Variants in PIBF1 observed in about 807,000 individuals in gnomAD.
PIBF1 encodes the protein progesterone immunomodulatory binding factor 1, also known as progesterone-induced-blocking factor 1.
Under a neutral mutation model 112.5 loss-of-function variants are expected in PIBF1, and 90 were observed. That is an observed-to-expected ratio of 0.80 (90% CI 0.67 to 0.95). The LOEUF is 0.95. Among genes scored for constraint, PIBF1 ranks in the 40% least tolerant of loss-of-function variants. The probability of loss-of-function intolerance (pLI) is 0.00; values close to 1 mark genes in which losing one functional copy is unlikely to be tolerated. For synonymous variants in PIBF1, 301 were observed against 288.6 expected, an observed-to-expected ratio of 1.04 and a Z score of -0.44; for missense variants, 915 against 852.3, an observed-to-expected ratio of 1.07 and a Z score of -0.92.
intron 15 of PIBF1, among the ~76,000 whole-genome samples, chr13:72,973,055 A>G (rs957691707): frequency 1.3e-5 from 2 of 152,234 alleles, no homozygotes; most frequent in African/African-American, 2.4e-5. Context: ...TTTTATGCCT[A>G]TACTAGGCAG....
In PIBF1 at chr13:72,798,005, C is replaced by T. The variant is rs766298119; in HGVS notation, c.651C>T (p.Asn217=). The change falls in exon 5 of 18, where the codon AAC becomes AAT. Residue 217 remains asparagine, a synonymous_variant. Transcript: ENST00000326291. ...CAGAAGAATTAAGTACAAACAAAAA[C>T]CAACTGAAGCAGCTGACAGAGGTTT... is the stretch of plus-strand genomic sequence containing the variant. ...ILAEELSTNK[N]QLKQLTETYE... The T allele has an allele frequency of 3.2e-5, 52 of 1,602,302 alleles. No homozygotes were observed. The highest frequency in any genetic ancestry group is 3.3e-4 in the Middle Eastern group (2 of 6,032).
intron 5 of PIBF1, among the ~76,000 whole-genome samples, chr13:72,818,168 CAG>C (rs890756411): frequency 5.9e-5 from 9 of 152,206 alleles, no homozygotes; most frequent in African/African-American, 2.2e-4. Flanking sequence ...CTGCATATTT[CAG>C]AGTCAGATGA....
At chr13:72,901,859 C>T (rs1425366998) in intron 11 of PIBF1, among the ~76,000 whole-genome samples, 2 of 152,080 alleles carry the variant, frequency 1.3e-5, no homozygotes, top group African/African-American at 4.8e-5. Flanking sequence ...CATTACTGGG[C>T]ATCTACCCAA....
intron 13 of PIBF1, among the ~76,000 whole-genome samples, chr13:72,921,996 A>G: frequency 6.6e-6 from 1 of 152,130 alleles, no homozygotes; most frequent in East Asian, 1.9e-4. Flanking sequence ...GTATCAGTCC[A>G]TTTTTAAGAG....
intron 12 of PIBF1, among the ~76,000 whole-genome samples, chr13:72,913,518 C>A (rs1218665793): frequency 6.6e-6 from 1 of 152,104 alleles, no homozygotes; most frequent in African/African-American, 2.4e-5. Context: ...TGGCTCATGC[C>A]TTTAACCCCA....
Position 72,917,086 on chromosome 13 carries a change from A to G in PIBF1, c.1650A>G (p.Glu550=). The G allele has an allele frequency of 6.3e-7, 1 of 1,581,618 alleles. No individual in the cohort carries two copies. The highest frequency in any genetic ancestry group is 8.6e-7 in the Non-Finnish European group (1 of 1,163,230). The change falls in exon 13 of 18, where the codon GAA becomes GAG. Residue 550 remains glutamate (E), a synonymous_variant. Coordinates refer to ENST00000326291, the MANE Select transcript of PIBF1 (RefSeq NM_006346.4). ...TTTAATATTTTCCAGTTGAAAATGA[A>G]GATGAGGCTGAAAGGGTTCTTTTTT... The part of the protein sequence containing the change: ...IIMQTAEIEN[E]DEAERVLFSY...
At chr13:72,991,270 T>A (rs1174331148) in intron 16 of PIBF1, among the ~76,000 whole-genome samples, 1 of 146,410 alleles carries the variant, frequency 6.8e-6, no homozygotes, top group East Asian at 1.9e-4. Flanking sequence ...ATAGAGATTG[T>A]TTATGCAGTC....
intron 9 of PIBF1, among the ~76,000 whole-genome samples, chr13:72,851,737 C>A (rs1226805121): frequency 1.3e-5 from 2 of 152,228 alleles, no homozygotes; most frequent in African/African-American, 4.8e-5. Flanking sequence ...CTGGCCCACC[C>A]ATTGCCACCT....
chr13:72,961,576 G>A (rs770245656), intron 14 of PIBF1, among the ~76,000 whole-genome samples: 2 of 152,046 alleles, frequency 1.3e-5, no homozygotes, highest in African/African-American at 2.4e-5. Flanking sequence ...AAGGCTAGAC[G>A]TTTATCGCCA....
chr13:72,964,848 G>T (rs1332888681), intron 14 of PIBF1, among the ~76,000 whole-genome samples: 3 of 152,146 alleles, frequency 2.0e-5, no homozygotes, highest in African/African-American at 7.2e-5. Context: ...GATCACCTGA[G>T]GTCAGGAGTT....
intron 17 of PIBF1, among the ~76,000 whole-genome samples, chr13:73,010,618 A>G (rs2044167219): frequency 6.6e-6 from 1 of 151,772 alleles, no homozygotes; most frequent in Admixed American, 6.6e-5. Flanking sequence ...AAATAAATAA[A>G]TAAAGAACAA....
intron 10 of PIBF1, among the ~76,000 whole-genome samples, chr13:72,880,117 A>G (rs182887642): frequency 2.6e-5 from 4 of 152,316 alleles, no homozygotes; most frequent in South Asian, 2.1e-4. Context: ...CCATTTATCA[A>G]TGCTTTCGAG....
chr13:72,819,285 A>T (rs750604706), intron 5 of PIBF1, among the ~76,000 whole-genome samples: 9 of 152,128 alleles, frequency 5.9e-5, no homozygotes, highest in Non-Finnish European at 1.0e-4. Flanking sequence ...CTTGATGAAC[A>T]TGGCCTCTGA....
At chr13:72,953,293 A>T (rs964820628) in intron 14 of PIBF1, among the ~76,000 whole-genome samples, 1 of 152,152 alleles carries the variant, frequency 6.6e-6, no homozygotes, top group East Asian at 1.9e-4. Context: ...ACTTCCCACA[A>T]GTGGAAAGTT....
intron 14 of PIBF1, among the ~76,000 whole-genome samples, chr13:72,953,488 A>G (rs905009193): frequency 5.3e-5 from 8 of 152,126 alleles, no homozygotes; most frequent in Admixed American, 3.3e-4. Flanking sequence ...GGATCCAGTG[A>G]TGTGACCTGT....
intron 2 of PIBF1, among the ~76,000 whole-genome samples, chr13:72,790,510 CATAGATAG>C (rs3078582): frequency 0.19 from 26,992 of 139,798 alleles, 2,655 homozygotes; most frequent in East Asian, 0.22. Flanking sequence ...CACACACACA[CATAGATAG>C]ATAGATAGAT....
intron 14 of PIBF1, 126 bp from the exon 15 acceptor site, chr13:72,965,148 A>G (rs17284007): frequency 0.21 from 170,987 of 795,822 alleles, 18,834 homozygotes; most frequent in Middle Eastern, 0.29. Context: ...AAATTTACAC[A>G]GGAAAAGCTT....
chr13:73,013,412 A>G (rs561590656), intron 17 of PIBF1, among the ~76,000 whole-genome samples: 3 of 151,812 alleles, frequency 2.0e-5, no homozygotes, highest in Non-Finnish European at 4.4e-5. Flanking sequence ...CTAATGTTAG[A>G]CACCAAACCA....
intron 6 of PIBF1, among the ~76,000 whole-genome samples, chr13:72,823,459 CAAG>C (rs1167893805): frequency 6.6e-6 from 1 of 151,868 alleles, no homozygotes; most frequent in Non-Finnish European, 1.5e-5. Flanking sequence ...AATAGTAAAA[CAAG>C]AAAGGACTCA....
Sources: gnomAD v4.1 joint callset for allele counts (sites outside exome capture counted in the v4.1 genomes callset) on GRCh38, gnomAD v4.1.1 for gene constraint, MANE v1.5 for transcripts, NCBI Gene and HGNC (gene_info 2026-07-23, HGNC 2026-07-21) for gene names.